ZNF385B: variants seen among roughly 807,000 people sequenced by gnomAD.
The protein encoded by ZNF385B is zinc finger protein 385B.
ZNF385B carries 23 observed loss-of-function variants against 39.2 expected under a neutral mutation model. The observed-to-expected ratio is 0.59, with a 90% confidence interval of 0.42 to 0.83. The LOEUF is 0.83. Among genes scored for constraint, ZNF385B ranks in the 40% least tolerant of loss-of-function variants. ZNF385B has a pLI of 0.00. For missense variants in ZNF385B, 552 were observed against 598.9 expected (o/e 0.92, Z 0.82); for synonymous variants, 205 against 222.6 (o/e 0.92, Z 0.70).
chr2:179,594,797 C>CTTTTTTT (rs35322965), intron 3 of ZNF385B, among the ~76,000 whole-genome samples: 1 of 145,414 alleles, frequency 6.9e-6, no homozygotes. Context: ...TAGGTAAACT[C>CTTTTTTT]TTTTTTTTTT....
chr2:179,766,030 T>TCACACACACA (rs71029829), intron 3 of ZNF385B, among the ~76,000 whole-genome samples: 21,371 of 140,660 alleles, frequency 0.15, 1,714 homozygotes, highest in East Asian at 0.2. Flanking sequence ...GGTACATTGA[T>TCACACACACA]CACACACACA....
At position 179,719,996 on chromosome 2, in the gene ZNF385B, T is replaced by C. The variant is rs923038972; in HGVS notation, c.298+49507A>G. 4.0e-4 allele frequency among the ~76,000 whole-genome samples: 61 copies of C among 152,338 alleles called. 1 individual carries two copies. The highest frequency in any genetic ancestry group is 1.3e-3 in the African/African-American group (54 of 41,580). ...TCAGATGAGCTCCCAGGTCTGTATG[T>C]TAATTAACAGTTCTTTCAGTCCAAA... is the stretch of plus-strand genomic sequence containing the variant. On this transcript the variant is annotated intron_variant, in intron 3 of 9. Transcript: ENST00000410066.
At chr2:179,745,240 G>T (rs1702309726) in intron 3 of ZNF385B, among the ~76,000 whole-genome samples, 1 of 152,078 alleles carries the variant, frequency 6.6e-6, no homozygotes, top group African/African-American at 2.4e-5. Flanking sequence ...ACTCCAGTAT[G>T]TAATCCACAT....
At chr2:179,837,067 A>T (rs112503141) in intron 1 of ZNF385B, among the ~76,000 whole-genome samples, 13 of 152,326 alleles carry the variant, frequency 8.5e-5, no homozygotes, top group African/African-American at 3.1e-4. Context: ...AGACAGAATG[A>T]GAGCTAATTA....
At chr2:179,766,324 TC>T (rs1348221820) in intron 3 of ZNF385B, among the ~76,000 whole-genome samples, 1 of 152,110 alleles carries the variant, frequency 6.6e-6, no homozygotes, top group East Asian at 1.9e-4. Flanking sequence ...GGGAAGAACA[TC>T]TACTACCACA....
intron 6 of ZNF385B, among the ~76,000 whole-genome samples, chr2:179,478,424 AG>A (rs1197886804): frequency 6.6e-6 from 1 of 152,252 alleles, no homozygotes; most frequent in Non-Finnish European, 1.5e-5. Flanking sequence ...TACTAATTTC[AG>A]CCCTATCCAT....
chr2:179,605,024 G>A lies in ZNF385B; in HGVS notation c.299-60055C>T, dbSNP rs182428820. Among the ~76,000 whole-genome samples, 392 of 152,146 alleles carry A rather than the reference G, an allele frequency of 2.6e-3. 1 individual carries two copies. The highest frequency in any genetic ancestry group is 8.9e-3 in the African/African-American group (369 of 41,546). On this transcript the variant is annotated intron_variant, in intron 3 of 9. Transcript: ENST00000410066. ...GTTTCTGGCTCCTTATTTATTGAAA[G>A]TATATCCTATATCTTTAATATAATA...
intron 3 of ZNF385B, among the ~76,000 whole-genome samples, chr2:179,737,832 C>G (rs910769034): frequency 2.0e-4 from 30 of 152,142 alleles, no homozygotes; most frequent in Admixed American, 3.9e-4. Flanking sequence ...AGTAATTTGT[C>G]CATGATCACA....
chr2:179,529,713 T>C (rs2059141334), intron 4 of ZNF385B, among the ~76,000 whole-genome samples: 1 of 152,216 alleles, frequency 6.6e-6, no homozygotes, highest in African/African-American at 2.4e-5. Context: ...GTGGAGAAGT[T>C]ACTGTCCTCA....
intron 6 of ZNF385B, among the ~76,000 whole-genome samples, chr2:179,479,061 A>G (rs142909835): frequency 2.0e-5 from 3 of 152,052 alleles, no homozygotes; most frequent in Non-Finnish European, 4.4e-5. Context: ...TATGTTTCCA[A>G]CTTCCTCTGA....
intron 1 of ZNF385B, among the ~76,000 whole-genome samples, chr2:179,849,074 G>A (rs561407809): frequency 6.6e-6 from 1 of 152,150 alleles, no homozygotes; most frequent in Non-Finnish European, 1.5e-5. Flanking sequence ...TTTATAATTT[G>A]CCTAAGGCCG....
At chr2:179,730,205 A>G (rs1331071856) in intron 3 of ZNF385B, among the ~76,000 whole-genome samples, 1 of 152,224 alleles carries the variant, frequency 6.6e-6, no homozygotes, top group African/African-American at 2.4e-5. Context: ...CACTAAGTTT[A>G]TGCCCGGGTC....
chr2:179,791,914 T>A (rs972610821), intron 1 of ZNF385B, among the ~76,000 whole-genome samples: 3 of 152,108 alleles, frequency 2.0e-5, no homozygotes, highest in Admixed American at 6.6e-5. Flanking sequence ...CTTGCCACCA[T>A]GCCCAGCTAA....
In ZNF385B at chr2:179,501,046, C is replaced by A. The variant is rs141276164; in HGVS notation, c.552+17482G>T. Among the ~76,000 whole-genome samples, 815 of 152,210 alleles carry A rather than the reference C, an allele frequency of 5.4e-3. 8 individuals carry two copies. Among genetic ancestry groups the A allele is most frequent in the African/African-American group, 0.019 (773 of 41,542 alleles). On this transcript the variant is annotated intron_variant, in intron 5 of 9. Transcript: ENST00000410066. ...GCAAATCAAAATTATAATGAGATAT[C>A]ATCTCACCCCAGTTGAAATGGCTTA... is the stretch of plus-strand genomic sequence containing the variant.
intron 3 of ZNF385B, among the ~76,000 whole-genome samples, chr2:179,676,537 T>C (rs1696848025): frequency 6.6e-6 from 1 of 152,146 alleles, no homozygotes; most frequent in African/African-American, 2.4e-5. Flanking sequence ...GGGAGTAACA[T>C]GATGAGATTT....
rs1014810586 is a variant in ZNF385B at position 179,490,746 on chromosome 2, A to T, written c.553-7312T>A. Among the ~76,000 whole-genome samples the T allele has an allele frequency of 3.9e-5, 6 of 152,200 alleles. No homozygotes were observed. The East Asian group carries it at 9.6e-4, about 24-fold the overall frequency. ...TTCAATTACTGGAAGGCAGATTATT[A>T]ATTTAGATGATTCCCAGCAATCTAC... On this transcript the variant is annotated intron_variant, in intron 5 of 9. Transcript: ENST00000410066.
In ZNF385B at chr2:179,566,810, T is replaced by C. The variant is rs569474435; in HGVS notation, c.299-21841A>G. On this transcript the variant is annotated intron_variant, in intron 3 of 9. Coordinates refer to ENST00000410066, the MANE Select transcript of ZNF385B (RefSeq NM_152520.6). ...CCTTCATCCGAATCCCCCTGACAAA[T>C]GCATAATGACTTGTTGACAAATTTT... 4.6e-5 allele frequency among the ~76,000 whole-genome samples: 7 copies of C among 152,276 alleles called. No individual in the cohort carries two copies. In the East Asian group the frequency reaches 1.4e-3, roughly 29 times the overall value.
intron 6 of ZNF385B, among the ~76,000 whole-genome samples, chr2:179,455,446 A>AG (rs1404372072): frequency 6.6e-6 from 1 of 151,962 alleles, no homozygotes; most frequent in Non-Finnish European, 1.5e-5. Flanking sequence ...GTTTCATAAG[A>AG]GTTTTTTCCC....
chr2:179,463,480 T>C (rs978002302), intron 6 of ZNF385B, among the ~76,000 whole-genome samples: 2 of 152,124 alleles, frequency 1.3e-5, no homozygotes, highest in Admixed American at 1.3e-4. Context: ...ATTAGGTATT[T>C]CTCCTAATGT....
Sources: gnomAD v4.1 joint callset for allele counts (sites outside exome capture counted in the v4.1 genomes callset) on GRCh38, gnomAD v4.1.1 for gene constraint, MANE v1.5 for transcripts, NCBI Gene and HGNC (gene_info 2026-07-23, HGNC 2026-07-21) for gene names.